Variants in DPP6 observed in about 807,000 individuals in gnomAD.
DPP6 encodes the protein A-type potassium channel modulatory protein DPP6.
Under a neutral mutation model 122.6 loss-of-function variants are expected in DPP6, and 69 were observed. The ratio of observed to expected loss-of-function variants is 0.56; its 90% confidence interval spans 0.46 to 0.69. DPP6 has a LOEUF of 0.69. Among genes scored for constraint, DPP6 ranks in the 30% least tolerant of loss-of-function variants. The pLI is 0.00. For missense variants in DPP6, 928 were observed against 1,116.9 expected (o/e 0.83, Z 2.41); for synonymous variants, 418 against 433.1 (o/e 0.97, Z 0.43).
intron 4 of DPP6, among the ~76,000 whole-genome samples, chr7:154,548,093 C>T (rs1829341589): frequency 6.6e-6 from 1 of 151,976 alleles, no homozygotes. Context: ...CCTGTAATCC[C>T]AGCTACTCAG....
chr7:154,411,968 G>A (rs1208418756), intron 1 of DPP6, among the ~76,000 whole-genome samples: 1 of 152,088 alleles, frequency 6.6e-6, no homozygotes, highest in Non-Finnish European at 1.5e-5. Context: ...CTTAGAAACA[G>A]CAGAACTTGA....
chr7:153,843,907 T>C, the DPP6 span, among the ~76,000 whole-genome samples: 1 of 152,120 alleles, frequency 6.6e-6, no homozygotes, highest in South Asian at 2.1e-4. Context: ...GAGTATGCCT[T>C]AACCCTAAAG....
At chr7:154,045,550 G>A (rs1437419565) in intron 1 of DPP6, among the ~76,000 whole-genome samples, 3 of 152,176 alleles carry the variant, frequency 2.0e-5, no homozygotes, top group Non-Finnish European at 2.9e-5. Context: ...TTTCGCTGTT[G>A]GTCCAGAAAC....
intron 1 of DPP6, among the ~76,000 whole-genome samples, chr7:154,007,000 T>A (rs1347503596): frequency 1.3e-5 from 2 of 152,230 alleles, no homozygotes; most frequent in Admixed American, 6.5e-5. Context: ...CTTCCCAAAC[T>A]ACTGGTTGTT....
chr7:154,802,762 G>A (rs12719628), intron 13 of DPP6, among the ~76,000 whole-genome samples: 130,308 of 151,190 alleles, frequency 0.86, 56,332 homozygotes, highest in African/African-American at 0.92. Flanking sequence ...GCTTGAACCC[G>A]GGAGGCGGAG....
At chr7:154,008,834 T>G (rs1371203189) in intron 1 of DPP6, among the ~76,000 whole-genome samples, 45 of 150,402 alleles carry the variant, frequency 3.0e-4, no homozygotes, top group African/African-American at 7.7e-4. Flanking sequence ...GCTAATTTTT[T>G]TTTTGTATTT....
intron 12 of DPP6, among the ~76,000 whole-genome samples, chr7:154,799,561 G>A (rs1000112970): frequency 1.1e-4 from 17 of 152,262 alleles, no homozygotes; most frequent in African/African-American, 3.9e-4. Flanking sequence ...CGGAATTTTG[G>A]TTTTGTGATT....
chr7:154,308,393 C>T (rs1191478098), intron 1 of DPP6, among the ~76,000 whole-genome samples: 1 of 151,926 alleles, frequency 6.6e-6, no homozygotes, highest in Non-Finnish European at 1.5e-5. Flanking sequence ...GCCAGAGTAA[C>T]AAGGAGAATT....
intron 7 of DPP6, among the ~76,000 whole-genome samples, chr7:154,694,463 T>C (rs1245837894): frequency 6.6e-6 from 1 of 152,034 alleles, no homozygotes; most frequent in African/African-American, 2.4e-5. Context: ...AATACAAAAA[T>C]TAGCCAGGCA....
At chr7:154,374,115 C>T (rs1248432005) in intron 1 of DPP6, among the ~76,000 whole-genome samples, 1 of 152,196 alleles carries the variant, frequency 6.6e-6, no homozygotes, top group Non-Finnish European at 1.5e-5. Context: ...GTCACGCCAT[C>T]AGGCTCTTAA....
intron 7 of DPP6, among the ~76,000 whole-genome samples, chr7:154,701,024 C>G (rs1840494372): frequency 6.6e-6 from 1 of 152,254 alleles, no homozygotes; most frequent in South Asian, 2.1e-4. Flanking sequence ...CCCATCACCC[C>G]CCATCTGCCT....
chr7:154,502,164 T>G (rs1026103658), intron 3 of DPP6, among the ~76,000 whole-genome samples: 3 of 152,192 alleles, frequency 2.0e-5, no homozygotes, highest in African/African-American at 7.2e-5. Flanking sequence ...ATTTAGGAAG[T>G]AACTAACTTG....
At chr7:154,137,281 C>G (rs1486244564) in intron 1 of DPP6, among the ~76,000 whole-genome samples, 1 of 152,044 alleles carries the variant, frequency 6.6e-6, no homozygotes, top group African/African-American at 2.4e-5. Context: ...TGAGTGAAGT[C>G]CCTGCTGGAA....
chr7:153,813,012 G>A, the DPP6 span, among the ~76,000 whole-genome samples: 13 of 152,008 alleles, frequency 8.6e-5, no homozygotes, highest in African/African-American at 3.1e-4. Flanking sequence ...TGCCTGGTGA[G>A]GAAATTTTTT....
the DPP6 span, among the ~76,000 whole-genome samples, chr7:153,766,565 G>T: frequency 4.6e-5 from 7 of 152,080 alleles, no homozygotes; most frequent in Non-Finnish European, 1.0e-4. Flanking sequence ...GCAGAGCTTT[G>T]ACAGTGAAGA....
At chr7:154,212,847 G>A (rs1420222873) in intron 1 of DPP6, among the ~76,000 whole-genome samples, 1 of 152,182 alleles carries the variant, frequency 6.6e-6, no homozygotes, top group African/African-American at 2.4e-5. Flanking sequence ...GAGCACACAG[G>A]TGGGGTACTA....
intron 1 of DPP6, among the ~76,000 whole-genome samples, chr7:154,300,379 A>G (rs562946393): frequency 1.3e-5 from 2 of 152,328 alleles, no homozygotes; most frequent in African/African-American, 4.8e-5. Flanking sequence ...CTAGGGAGGC[A>G]CTGAGATCAG....
intron 1 of DPP6, among the ~76,000 whole-genome samples, chr7:154,125,963 T>C (rs12533045): frequency 0.26 from 39,394 of 152,032 alleles, 5,700 homozygotes; most frequent in East Asian, 0.51. Context: ...AAAATTGTCA[T>C]CTGGAAGAAC....
chr7:154,027,642 G>T (rs1372153547), intron 1 of DPP6, among the ~76,000 whole-genome samples: 1 of 152,010 alleles, frequency 6.6e-6, no homozygotes, highest in African/African-American at 2.4e-5. Flanking sequence ...AATAGTCGAT[G>T]CCACTCCCCA....
Sources: allele counts gnomAD v4.1 joint callset (sites outside exome capture counted in the v4.1 genomes callset), GRCh38; gene constraint gnomAD v4.1.1; transcripts MANE v1.5; gene names NCBI Gene and HGNC (gene_info 2026-07-23, HGNC 2026-07-21).